Variants in HIVEP3 observed in about 807,000 individuals in gnomAD.
HIVEP3 encodes the protein transcription factor HIVEP3.
A neutral mutation model predicts 152.8 loss-of-function variants in HIVEP3; 49 were observed. That is an observed-to-expected ratio of 0.32 (90% CI 0.26 to 0.41). The LOEUF (loss-of-function observed/expected upper bound fraction) is 0.41, where lower values mean the gene tolerates loss of function less well. HIVEP3 is among the 10% of genes least tolerant of loss of function. The probability of loss-of-function intolerance (pLI) is 1.00; values close to 1 mark genes in which losing one functional copy is unlikely to be tolerated. For missense variants in HIVEP3, 2,790 were observed against 3,103.3 expected (o/e 0.90, Z 2.40); for synonymous variants, 1,269 against 1,289.0 (o/e 0.98, Z 0.33).
In HIVEP3 at chr1:41,755,608, C is replaced by CA. The variant is rs35879725; in HGVS notation, c.-800-54614dup. On this transcript the variant is annotated intron_variant, in intron 1 of 8. Coordinates refer to ENST00000372583, the MANE Select transcript of HIVEP3 (RefSeq NM_024503.5). ...CAAAGAACTCTCAAAACACAGCAGT[C>CA]AAAAAAAAAAAAACACCCAAAACAA... Among the ~76,000 whole-genome samples the CA allele has an allele frequency of 0.01, 1,436 of 143,414 alleles. 56 individuals are homozygous for CA. In the East Asian group the frequency reaches 0.12, roughly 12 times the overall value. 94.1% of individuals were successfully genotyped at this position (143,414 alleles called of 152,430 possible).
intron 1 of HIVEP3, among the ~76,000 whole-genome samples, chr1:42,035,332 C>T (rs1031944990): frequency 8.5e-5 from 13 of 152,240 alleles, no homozygotes; most frequent in Non-Finnish European, 1.2e-4. Flanking sequence ...GGACCAGGGC[C>T]ACCCCGGGCA....
At chr1:42,007,729 C>T (rs551612893) in intron 1 of HIVEP3, among the ~76,000 whole-genome samples, 8 of 152,232 alleles carry the variant, frequency 5.3e-5, no homozygotes, top group Admixed American at 3.3e-4. Context: ...TCAGCTTTGT[C>T]GGTGCCAATG....
At chr1:41,824,346 T>C (rs1642694967) in intron 1 of HIVEP3, among the ~76,000 whole-genome samples, 1 of 152,212 alleles carries the variant, frequency 6.6e-6, no homozygotes, top group Non-Finnish European at 1.5e-5. Context: ...TCTTGTTTGA[T>C]CAAAATTTCA....
At chr1:41,823,822 C>T (rs1406369319) in intron 1 of HIVEP3, among the ~76,000 whole-genome samples, 1 of 152,194 alleles carries the variant, frequency 6.6e-6, no homozygotes, top group Non-Finnish European at 1.5e-5. Context: ...CACACAGCTT[C>T]GTTTCTAGGC....
chr1:41,970,150 A>G (rs1236165198), intron 1 of HIVEP3, among the ~76,000 whole-genome samples: 1 of 152,218 alleles, frequency 6.6e-6, no homozygotes, highest in Non-Finnish European at 1.5e-5. Context: ...AAGATCTAGA[A>G]CCAGAAATAA....
chr1:41,996,218 C>A (rs60079958), intron 1 of HIVEP3, among the ~76,000 whole-genome samples: 1 of 150,864 alleles, frequency 6.6e-6, no homozygotes, highest in East Asian at 1.9e-4. Context: ...CATATCAAGA[C>A]GTTATTTCTA....
In HIVEP3 at chr1:41,513,700, C is replaced by G. The variant is rs765639856; in HGVS notation, c.5521G>C (p.Ala1841Pro). 3 of 1,604,270 alleles carry G rather than the reference C, an allele frequency of 1.9e-6. No homozygotes were observed. The highest frequency in any genetic ancestry group is 2.2e-5 in the South Asian group (2 of 89,128). Residue 1841 changes from alanine (A) to proline (P), a missense_variant, in exon 8 of 9, where the codon GCT (alanine) becomes CCT (proline). By Grantham distance (27) the Ala-to-Pro change is conservative (BLOSUM62 -1). This residue lies in a region of HIVEP3 where 816 missense variants were observed against 806.5 expected (regional missense o/e 1.01). Coordinates refer to ENST00000372583, the MANE Select transcript of HIVEP3 (RefSeq NM_024503.5). The part of the protein sequence containing the change: ...QDSEGREGSE[A>P]VEEHQFSDLE... ...TCCGAAAACTGGTGCTCCTCCACAG[C>G]CTCTGAACCCTCTCGTCCTTCCGAG...
At chr1:42,033,244 C>T (rs1170177756) in intron 1 of HIVEP3, among the ~76,000 whole-genome samples, 1 of 152,196 alleles carries the variant, frequency 6.6e-6, no homozygotes, top group Non-Finnish European at 1.5e-5. Context: ...AAAGTGATGC[C>T]AGACAGTCCC....
At chr1:41,924,159 C>T (rs1337181407) in intron 1 of HIVEP3, among the ~76,000 whole-genome samples, 6 of 152,120 alleles carry the variant, frequency 3.9e-5, no homozygotes, top group Non-Finnish European at 7.3e-5. Flanking sequence ...TAGAGGGCAA[C>T]GTGACTACAG....
chr1:42,011,331 C>A (rs890723844), intron 1 of HIVEP3, among the ~76,000 whole-genome samples: 4 of 152,178 alleles, frequency 2.6e-5, no homozygotes, highest in Non-Finnish European at 5.9e-5. Flanking sequence ...AATTGATACA[C>A]TGAGTGAAAT....
At chr1:41,711,440 G>C (rs936469156) in intron 1 of HIVEP3, among the ~76,000 whole-genome samples, 2 of 152,326 alleles carry the variant, frequency 1.3e-5, no homozygotes, top group East Asian at 3.9e-4. Context: ...AAGGAGCACG[G>C]TGAAAAAGCC....
chr1:41,707,883 C>T (rs1251511495), intron 1 of HIVEP3, among the ~76,000 whole-genome samples: 1 of 152,234 alleles, frequency 6.6e-6, no homozygotes, highest in Admixed American at 6.5e-5. Flanking sequence ...TTGCTATCTG[C>T]AGCAATAGAC....
intron 2 of HIVEP3, among the ~76,000 whole-genome samples, chr1:41,693,610 A>C (rs531342054): frequency 5.3e-4 from 80 of 152,252 alleles, no homozygotes; most frequent in African/African-American, 1.9e-3. Flanking sequence ...GTTTGTTATC[A>C]TCCTTTAACC....
chr1:41,721,497 T>C (rs1646674022), intron 1 of HIVEP3, among the ~76,000 whole-genome samples: 1 of 152,186 alleles, frequency 6.6e-6, no homozygotes, highest in Non-Finnish European at 1.5e-5. Flanking sequence ...TGAGCCACCA[T>C]GCCTGACCCT....
intron 5 of HIVEP3, among the ~76,000 whole-genome samples, chr1:41,528,214 TTCACACTCCACCCTCACACCC>T (rs1558031158): frequency 3.2e-5 from 1 of 31,030 alleles, no homozygotes; most frequent in African/African-American, 1.3e-4. Context: ...CCCTCACACC[TTCACACTCCACCCTCACACCC>T]TCACACACTC....
chr1:41,816,761 T>C (rs1651292931), intron 1 of HIVEP3, among the ~76,000 whole-genome samples: 1 of 152,218 alleles, frequency 6.6e-6, no homozygotes. Context: ...TGTGTTTTTA[T>C]GTGTGGTTCT....
intron 5 of HIVEP3, among the ~76,000 whole-genome samples, chr1:41,536,331 C>T (rs982116050): frequency 1.3e-5 from 2 of 152,126 alleles, no homozygotes; most frequent in East Asian, 1.9e-4. Flanking sequence ...TCTACGTGCT[C>T]AGGACACGTC....
intron 1 of HIVEP3, among the ~76,000 whole-genome samples, chr1:41,812,636 A>T (rs1312554544): frequency 6.6e-6 from 1 of 150,484 alleles, no homozygotes; most frequent in Non-Finnish European, 1.5e-5. Flanking sequence ...ATAGTGACGC[A>T]TTTATCCTGG....
intron 1 of HIVEP3, among the ~76,000 whole-genome samples, chr1:41,717,954 C>G (rs1046611002): frequency 1.3e-5 from 2 of 152,192 alleles, no homozygotes; most frequent in Non-Finnish European, 2.9e-5. Flanking sequence ...AAGCGCATGT[C>G]CCCCTGGAGC....
Sources: allele counts gnomAD v4.1 joint callset (sites outside exome capture counted in the v4.1 genomes callset), GRCh38; gene constraint gnomAD v4.1.1; regional missense constraint gnomAD v4.1.1; transcripts MANE v1.5; gene names NCBI Gene and HGNC (gene_info 2026-07-23, HGNC 2026-07-21).